The following PCDH15 variants were observed in gnomAD, a reference collection of about 807,000 sequenced individuals.
The protein encoded by PCDH15 is protocadherin-15.
In PCDH15, 129 loss-of-function variants were observed where a neutral mutation model predicts 178.5. That is an observed-to-expected ratio of 0.72 (90% CI 0.63 to 0.84). The LOEUF is 0.84. Ranked by LOEUF, PCDH15 falls within the 40% of genes least tolerant of loss-of-function variation. PCDH15 has a pLI of 0.00. For synonymous variants in PCDH15, 800 were observed against 732.0 expected (o/e 1.09, Z -1.50); for missense variants, 2,230 against 2,099.9 (o/e 1.06, Z -1.21).
intron 25 of PCDH15, among the ~76,000 whole-genome samples, chr10:53,929,091 A>G (rs2084819432): frequency 6.6e-6 from 1 of 152,004 alleles, no homozygotes; most frequent in African/African-American, 2.4e-5. Context: ...ATATTTTTCT[A>G]TTTTGAAAAG....
chr10:53,966,892 T>C (rs1337580317), intron 21 of PCDH15, among the ~76,000 whole-genome samples: 3 of 151,590 alleles, frequency 2.0e-5, no homozygotes, highest in African/African-American at 7.3e-5. Context: ...ATTTAAATAA[T>C]CATTCATATA....
chr10:55,372,523 G>A (rs1845531152), intron 2 of PCDH15, among the ~76,000 whole-genome samples: 1 of 152,188 alleles, frequency 6.6e-6, no homozygotes, highest in East Asian at 1.9e-4. Flanking sequence ...TGTATGAACA[G>A]TGTGCATGAG....
At chr10:54,284,340 C>T (rs2058899751) in intron 8 of PCDH15, among the ~76,000 whole-genome samples, 1 of 152,042 alleles carries the variant, frequency 6.6e-6, no homozygotes, top group African/African-American at 2.4e-5. Context: ...AATTGTTTTA[C>T]CAAATAGCAA....
chr10:53,819,527 T>A (rs2076180782), intron 33 of PCDH15, among the ~76,000 whole-genome samples: 1 of 151,994 alleles, frequency 6.6e-6, no homozygotes, highest in South Asian at 2.1e-4. Context: ...CACCTCTTTA[T>A]GCAATTCATA....
At chr10:55,507,804 G>C (rs141752353) in intron 2 of PCDH15, among the ~76,000 whole-genome samples, 116 of 151,620 alleles carry the variant, frequency 7.7e-4, no homozygotes, top group African/African-American at 2.6e-3. Context: ...TCGTTGTGTG[G>C]AATCCTTCAG....
intron 2 of PCDH15, among the ~76,000 whole-genome samples, chr10:55,136,398 C>T (rs1838198778): frequency 6.6e-6 from 1 of 151,898 alleles, no homozygotes; most frequent in Admixed American, 6.6e-5. Flanking sequence ...AACGAAACCT[C>T]CCATATTGAC....
chr10:53,888,057 G>A (rs2081225000), intron 26 of PCDH15, among the ~76,000 whole-genome samples: 1 of 151,530 alleles, frequency 6.6e-6, no homozygotes, highest in Non-Finnish European at 1.5e-5. Context: ...CATACACCAT[G>A]GGTTGTAAGA....
chr10:54,682,969 C>G (rs529851352), intron 1 of PCDH15, among the ~76,000 whole-genome samples: 88 of 152,124 alleles, frequency 5.8e-4, no homozygotes, highest in South Asian at 6.2e-4. Context: ...CAGGGAAAAG[C>G]CCAAACCCCA....
chr10:54,391,707 C>T (rs1950564650), intron 3 of PCDH15, among the ~76,000 whole-genome samples: 1 of 152,158 alleles, frequency 6.6e-6, no homozygotes, highest in Admixed American at 6.5e-5. Context: ...TTATTTACCT[C>T]TTTCCCTTCA....
At chr10:55,009,029 A>G (rs1392414022) in intron 2 of PCDH15, among the ~76,000 whole-genome samples, 2 of 152,190 alleles carry the variant, frequency 1.3e-5, no homozygotes, top group East Asian at 3.9e-4. Context: ...AGATGTCAAA[A>G]TAATTCTGTA....
At chr10:55,119,294 G>T (rs913231718) in intron 2 of PCDH15, among the ~76,000 whole-genome samples, 1 of 152,116 alleles carries the variant, frequency 6.6e-6, no homozygotes, top group Non-Finnish European at 1.5e-5. Context: ...TCAGTCTTCA[G>T]TGGCAATGTT....
chr10:54,746,779 A>C (rs892643184), intron 1 of PCDH15, among the ~76,000 whole-genome samples: 1 of 152,174 alleles, frequency 6.6e-6, no homozygotes, highest in Admixed American at 6.5e-5. Flanking sequence ...ATTACAGCGA[A>C]AGGCTACACA....
chr10:54,151,762 T>A (rs746407996), intron 14 of PCDH15, among the ~76,000 whole-genome samples: 3 of 152,082 alleles, frequency 2.0e-5, no homozygotes, highest in Non-Finnish European at 4.4e-5. Flanking sequence ...AATATATAAA[T>A]CTCTTGTGTT....
intron 2 of PCDH15, among the ~76,000 whole-genome samples, chr10:55,393,542 A>G (rs1433082805): frequency 2.0e-5 from 3 of 152,152 alleles, no homozygotes; most frequent in Non-Finnish European, 2.9e-5. Flanking sequence ...GACAGACCCT[A>G]AGGTTAAGGA....
chr10:54,125,731 CA>C (rs2041934343), intron 15 of PCDH15, among the ~76,000 whole-genome samples: 1 of 152,072 alleles, frequency 6.6e-6, no homozygotes, highest in East Asian at 1.9e-4. Flanking sequence ...GAGAAGTTTT[CA>C]AGTGCTTAGT....
At chr10:54,342,041 A>G (rs912134614) in intron 6 of PCDH15, among the ~76,000 whole-genome samples, 4 of 152,328 alleles carry the variant, frequency 2.6e-5, no homozygotes, top group South Asian at 2.1e-4. Flanking sequence ...CAGAGAATAA[A>G]ACTTTAAAGA....
chr10:53,964,408 T>TTA (rs1273443464), intron 21 of PCDH15, among the ~76,000 whole-genome samples: 1 of 136,542 alleles, frequency 7.3e-6, no homozygotes, highest in African/African-American at 2.5e-5. Flanking sequence ...TTCATAAAAT[T>TTA]TTTATAAATT....
At chr10:54,509,416 T>A (rs889191147) in intron 3 of PCDH15, among the ~76,000 whole-genome samples, 1 of 152,178 alleles carries the variant, frequency 6.6e-6, no homozygotes, top group Non-Finnish European at 1.5e-5. Flanking sequence ...TCCACCATGA[T>A]TGTGAGGCCT....
At chr10:54,112,396 C>T (rs918025703) in intron 15 of PCDH15, among the ~76,000 whole-genome samples, 1 of 151,926 alleles carries the variant, frequency 6.6e-6, no homozygotes, top group African/African-American at 2.4e-5. Flanking sequence ...TGCCAGTTGT[C>T]TCCAGGTGGG....
Sources: gnomAD v4.1 joint callset for allele counts (sites outside exome capture counted in the v4.1 genomes callset) on GRCh38, gnomAD v4.1.1 for gene constraint, MANE v1.5 for transcripts, NCBI Gene and HGNC (gene_info 2026-07-23, HGNC 2026-07-21) for gene names.